Variants in HECW2 observed in about 807,000 individuals in gnomAD.
HECW2 encodes HECT, C2 and WW domain containing E3 ubiquitin protein ligase 2.
HECW2 carries 61 observed loss-of-function variants against 175.2 expected under a neutral mutation model. The observed-to-expected ratio is 0.35, with a 90% confidence interval of 0.28 to 0.43. The LOEUF (loss-of-function observed/expected upper bound fraction) is 0.43. HECW2 is among the 20% of genes least tolerant of loss of function. HECW2 has a pLI of 1.00. For synonymous variants in HECW2, 671 were observed against 731.0 expected, an observed-to-expected ratio of 0.92 and a Z score of 1.32; for missense variants, 1,524 against 2,000.5, an observed-to-expected ratio of 0.76 and a Z score of 4.54.
intron 1 of HECW2, among the ~76,000 whole-genome samples, chr2:196,564,505 A>G (rs544415350): frequency 6.6e-6 from 1 of 152,298 alleles, no homozygotes; most frequent in South Asian, 2.1e-4. Context: ...TGGTATCTAT[A>G]ACTTATTTTT....
intron 1 of HECW2, among the ~76,000 whole-genome samples, chr2:196,510,558 G>A (rs1475691009): frequency 6.7e-6 from 1 of 149,416 alleles, no homozygotes; most frequent in African/African-American, 2.5e-5. Context: ...CAGGTTGTGG[G>A]GTTTTCTTTT....
At chr2:196,433,597 T>C (rs1695783166) in intron 1 of HECW2, 139 bp from the exon 2 acceptor site, 1 of 665,252 alleles carries the variant, frequency 1.5e-6, no homozygotes, top group African/African-American at 1.8e-5. Flanking sequence ...TAAAACCTAT[T>C]ATTCTACTGT....
intron 1 of HECW2, among the ~76,000 whole-genome samples, chr2:196,510,246 T>G (rs1363560649): frequency 6.6e-6 from 1 of 152,198 alleles, no homozygotes; most frequent in Non-Finnish European, 1.5e-5. Context: ...CCCGCCACCA[T>G]CAGGCCCTTA....
At chr2:196,368,030 T>C (rs983023785) in intron 2 of HECW2, among the ~76,000 whole-genome samples, 1 of 152,088 alleles carries the variant, frequency 6.6e-6, no homozygotes, top group Non-Finnish European at 1.5e-5. Context: ...TCGTCTGCTG[T>C]TATAAACTTA....
intron 2 of HECW2, among the ~76,000 whole-genome samples, chr2:196,348,422 T>C (rs1693041575): frequency 6.6e-6 from 1 of 152,108 alleles, no homozygotes; most frequent in East Asian, 1.9e-4. Context: ...ATAGGAGGAT[T>C]GCTTGAGGCC....
intron 1 of HECW2, among the ~76,000 whole-genome samples, chr2:196,584,442 A>C (rs1440370865): frequency 6.6e-6 from 1 of 152,206 alleles, no homozygotes; most frequent in Non-Finnish European, 1.5e-5. Context: ...TTTACCTCTC[A>C]GATCCTTTCC....
chr2:196,399,162 T>C (rs1694750246), intron 2 of HECW2, among the ~76,000 whole-genome samples: 1 of 152,188 alleles, frequency 6.6e-6, no homozygotes, highest in African/African-American at 2.4e-5. Context: ...CCGGAAGCAC[T>C]ACTAATGGGC....
chr2:196,308,182 G>C, intron 10 of HECW2, 97 bp from the exon 11 acceptor site: 1 of 876,836 alleles, frequency 1.1e-6, no homozygotes, highest in Non-Finnish European at 1.7e-6. Flanking sequence ...TCTCTGACAT[G>C]CTATAATCTG....
intron 2 of HECW2, among the ~76,000 whole-genome samples, chr2:196,422,213 T>C (rs1695425232): frequency 6.6e-6 from 1 of 152,132 alleles, no homozygotes; most frequent in African/African-American, 2.4e-5. Context: ...TGAAACAGAC[T>C]GGAGGACCAG....
At chr2:196,301,202 T>C (rs939366127) in intron 13 of HECW2, among the ~76,000 whole-genome samples, 9 of 152,182 alleles carry the variant, frequency 5.9e-5, no homozygotes, top group Non-Finnish European at 1.3e-4. Flanking sequence ...GGAAAGGACA[T>C]GATTGCATTC....
intron 1 of HECW2, among the ~76,000 whole-genome samples, chr2:196,528,841 A>G (rs1688753175): frequency 6.6e-6 from 1 of 152,242 alleles, no homozygotes; most frequent in Non-Finnish European, 1.5e-5. Context: ...AGACTTGGGT[A>G]ACCATGAATG....
At chr2:196,451,859 G>A (rs559910223) in intron 1 of HECW2, among the ~76,000 whole-genome samples, 4 of 152,198 alleles carry the variant, frequency 2.6e-5, no homozygotes, top group South Asian at 2.1e-4. Context: ...AGATCACACC[G>A]CTGCACTCCA....
At chr2:196,243,799 G>A (rs1178688599) in intron 19 of HECW2, among the ~76,000 whole-genome samples, 4 of 152,034 alleles carry the variant, frequency 2.6e-5, no homozygotes, top group African/African-American at 4.8e-5. Context: ...GGCTGGTCTC[G>A]AACTCCTGAC....
At chr2:196,379,407 T>C (rs1294231640) in intron 2 of HECW2, among the ~76,000 whole-genome samples, 1 of 152,076 alleles carries the variant, frequency 6.6e-6, no homozygotes, top group East Asian at 1.9e-4. Flanking sequence ...GCAACTTGGC[T>C]GGGCGTGGTG....
chr2:196,312,561 A>C (rs2105732249), intron 10 of HECW2, among the ~76,000 whole-genome samples: 1 of 152,346 alleles, frequency 6.6e-6, no homozygotes. Flanking sequence ...TTTAGGAATC[A>C]GGACGGTAGG....
chr2:196,443,363 T>C (rs1271518255), intron 1 of HECW2, among the ~76,000 whole-genome samples: 1 of 152,172 alleles, frequency 6.6e-6, no homozygotes, highest in African/African-American at 2.4e-5. Flanking sequence ...GCATATAGAC[T>C]AGCAAATATG....
intron 6 of HECW2, among the ~76,000 whole-genome samples, chr2:196,324,032 C>T (rs1692058045): frequency 6.6e-6 from 1 of 150,876 alleles, no homozygotes; most frequent in South Asian, 2.1e-4. Flanking sequence ...AGGAGAAATG[C>T]CTTGCTGTGT....
intron 28 of HECW2, among the ~76,000 whole-genome samples, chr2:196,212,212 T>G (rs1687315691): frequency 6.6e-6 from 1 of 152,126 alleles, no homozygotes; most frequent in Non-Finnish European, 1.5e-5. Context: ...TTTTTTAATT[T>G]TAAGTTCAGG....
At chr2:196,279,385 C>T in intron 14 of HECW2, among the ~76,000 whole-genome samples, 1 of 152,184 alleles carries the variant, frequency 6.6e-6, no homozygotes, top group East Asian at 1.9e-4. Context: ...TTCTTTCTTC[C>T]TTCTCCTATA....
Sources: allele counts gnomAD v4.1 joint callset (sites outside exome capture counted in the v4.1 genomes callset), GRCh38; gene constraint gnomAD v4.1.1; transcripts MANE v1.5; gene names NCBI Gene and HGNC (gene_info 2026-07-23, HGNC 2026-07-21).